Variants in AKAP6 observed in about 807,000 individuals in gnomAD.
The protein encoded by AKAP6 is A-kinase anchoring protein 6.
In AKAP6, 58 loss-of-function variants were observed where a neutral mutation model predicts 188.5. The observed-to-expected ratio is 0.31, with a 90% CI of 0.25 to 0.38. AKAP6 has a LOEUF of 0.38. Ranked by LOEUF, AKAP6 falls within the 10% of genes least tolerant of loss-of-function variation. The probability of loss-of-function intolerance (pLI) is 1.00; values close to 1 mark genes in which losing one functional copy is unlikely to be tolerated. For synonymous variants in AKAP6, 989 were observed against 998.6 expected, an observed-to-expected ratio of 0.99 and a Z score of 0.18; for missense variants, 2,710 against 2,740.0, an observed-to-expected ratio of 0.99 and a Z score of 0.24.
At chr14:32,733,455 A>G (rs1166599585) in intron 10 of AKAP6, 4 of 152,164 alleles carry the variant, frequency 2.6e-5, no homozygotes, top group African/African-American at 9.6e-5. Context: ...TCAGTTATGG[A>G]GCATAATTTT....
intron 7 of AKAP6, among the ~76,000 whole-genome samples, chr14:32,621,264 A>T (rs1886806322): frequency 6.6e-6 from 1 of 151,866 alleles, no homozygotes; most frequent in Admixed American, 6.6e-5. Context: ...GAGGTGTGGC[A>T]ATAAACTGTC....
At chr14:32,723,327 A>G (rs2030655153) in intron 9 of AKAP6, among the ~76,000 whole-genome samples, 1 of 152,118 alleles carries the variant, frequency 6.6e-6, no homozygotes, top group African/African-American at 2.4e-5. Flanking sequence ...GGTGGTTATT[A>G]ACTCTGCCTG....
intron 2 of AKAP6, among the ~76,000 whole-genome samples, chr14:32,518,723 T>A (rs1881656370): frequency 6.6e-6 from 1 of 152,176 alleles, no homozygotes; most frequent in Admixed American, 6.5e-5. Context: ...GTCTGATTGG[T>A]GTACCTGAAA....
intron 9 of AKAP6, among the ~76,000 whole-genome samples, chr14:32,724,377 A>G (rs2030733834): frequency 6.6e-6 from 1 of 152,198 alleles, no homozygotes; most frequent in Non-Finnish European, 1.5e-5. Context: ...GATTGCATCC[A>G]TCTGCTCACT....
At chr14:32,389,292 A>C (rs1231086592) in intron 1 of AKAP6, among the ~76,000 whole-genome samples, 1 of 152,176 alleles carries the variant, frequency 6.6e-6, no homozygotes, top group Non-Finnish European at 1.5e-5. Context: ...ATTCTTATCC[A>C]ATCTGCAAGT....
intron 4 of AKAP6, among the ~76,000 whole-genome samples, chr14:32,564,942 G>T (rs965427395): frequency 1.3e-5 from 2 of 152,126 alleles, no homozygotes; most frequent in African/African-American, 4.8e-5. Flanking sequence ...TCTGAATTCT[G>T]TTTATGTTTA....
At chr14:32,564,080 G>A (rs1278648962) in intron 4 of AKAP6, among the ~76,000 whole-genome samples, 1 of 152,070 alleles carries the variant, frequency 6.6e-6, no homozygotes, top group Non-Finnish European at 1.5e-5. Context: ...CACACCTTGT[G>A]TATGCTTTAA....
At chr14:32,747,289 C>T (rs1361219213) in intron 11 of AKAP6, among the ~76,000 whole-genome samples, 1 of 152,162 alleles carries the variant, frequency 6.6e-6, no homozygotes, top group Non-Finnish European at 1.5e-5. Context: ...GCCATGATTC[C>T]TACAGGTGCC....
intron 2 of AKAP6, among the ~76,000 whole-genome samples, chr14:32,485,389 C>T (rs1879627686): frequency 6.6e-6 from 1 of 152,154 alleles, no homozygotes; most frequent in African/African-American, 2.4e-5. Flanking sequence ...AATCGCCACA[C>T]TGTCTTCCAC....
chr14:32,454,620 C>T (rs1891057062), intron 2 of AKAP6, among the ~76,000 whole-genome samples: 4 of 146,480 alleles, frequency 2.7e-5, no homozygotes, highest in Non-Finnish European at 6.0e-5. Context: ...AAAACTTGAC[C>T]TTCCTTCCTT....
intron 7 of AKAP6, among the ~76,000 whole-genome samples, chr14:32,667,605 G>T (rs1018379241): frequency 6.6e-6 from 1 of 152,038 alleles, no homozygotes; most frequent in African/African-American, 2.4e-5. Context: ...CGAGATTCTT[G>T]ACAGGGTGGG....
intron 1 of AKAP6, among the ~76,000 whole-genome samples, chr14:32,393,082 A>G (rs916014249): frequency 1.3e-5 from 2 of 152,140 alleles, no homozygotes; most frequent in Admixed American, 1.3e-4. Flanking sequence ...AAGTATTTGC[A>G]TAATCTCAAA....
At chr14:32,768,486 C>T (rs2032786146) in intron 11 of AKAP6, among the ~76,000 whole-genome samples, 1 of 152,126 alleles carries the variant, frequency 6.6e-6, no homozygotes, top group Non-Finnish European at 1.5e-5. Flanking sequence ...TTCTGGAGAT[C>T]ATCAAGAAAA....
chr14:32,756,993 A>G (rs2032360589), intron 11 of AKAP6, among the ~76,000 whole-genome samples: 1 of 152,122 alleles, frequency 6.6e-6, no homozygotes, highest in Admixed American at 6.5e-5. Flanking sequence ...TGCAAAGGCC[A>G]GAGTGGTGCC....
chr14:32,692,152 G>T (rs910252338), intron 8 of AKAP6, among the ~76,000 whole-genome samples: 1 of 152,148 alleles, frequency 6.6e-6, no homozygotes, highest in East Asian at 1.9e-4. Flanking sequence ...ACTGGATAAA[G>T]GGTGAGTATC....
rs781575029 is a variant in AKAP6 at position 32,546,448 on chromosome 14, T to C, written c.1795T>C (p.Ser599Pro). 1 of 1,614,122 alleles carries C rather than the reference T, an allele frequency of 6.2e-7. No individual in the cohort carries two copies. Among genetic ancestry groups the C allele is most frequent in the South Asian group, 1.1e-5 (1 of 91,078 alleles). ...DNIMSPVPLL[S>P]KHKSKKGQAS... ...CATCATGTCTCCGGTGCCACTTCTTTCAAAACACAAAAGCAAAAAAGGTCA... is the reference window on the plus strand; with the variant it reads ...CATCATGTCTCCGGTGCCACTTCTTCCAAAACACAAAAGCAAAAAAGGTCA... Residue 599 changes from serine to proline, a missense_variant, in exon 4 of 14, where the codon TCA becomes CCA. By Grantham distance (74) the Ser-to-Pro change is moderately conservative (BLOSUM62 -1). Transcript: ENST00000280979.
chr14:32,637,479 G>A (rs950105618), intron 7 of AKAP6, among the ~76,000 whole-genome samples: 17 of 152,038 alleles, frequency 1.1e-4, no homozygotes, highest in African/African-American at 3.9e-4. Flanking sequence ...ATAGCCAAAG[G>A]GAGATGTTTG....
chr14:32,681,173 T>G (rs1889660157), intron 8 of AKAP6, among the ~76,000 whole-genome samples: 1 of 152,242 alleles, frequency 6.6e-6, no homozygotes, highest in Non-Finnish European at 1.5e-5. Context: ...AATTACTTTC[T>G]GTATATTTTG....
intron 7 of AKAP6, among the ~76,000 whole-genome samples, chr14:32,659,875 T>C (rs1888611787): frequency 6.6e-6 from 1 of 152,096 alleles, no homozygotes; most frequent in Non-Finnish European, 1.5e-5. Flanking sequence ...CTAAGATTTG[T>C]CTTCATTCAG....
Sources: allele counts gnomAD v4.1 joint callset (sites outside exome capture counted in the v4.1 genomes callset), GRCh38; gene constraint gnomAD v4.1.1; transcripts MANE v1.5; gene names NCBI Gene and HGNC (gene_info 2026-07-23, HGNC 2026-07-21).